The following SPOCK1 variants were observed in gnomAD, a reference collection of about 807,000 sequenced individuals.
The protein encoded by SPOCK1 is testican-1.
Under a neutral mutation model 55.3 loss-of-function variants are expected in SPOCK1, and 23 were observed. The observed-to-expected ratio is 0.42, with a 90% CI of 0.30 to 0.59. The LOEUF is 0.59. Ranked by LOEUF, SPOCK1 falls within the 20% of genes least tolerant of loss-of-function variation. SPOCK1 has a pLI of 0.22. For synonymous variants in SPOCK1, 226 were observed against 221.0 expected, an observed-to-expected ratio of 1.02 and a Z score of -0.20; for missense variants, 499 against 552.5, an observed-to-expected ratio of 0.90 and a Z score of 0.97.
chr5:137,440,523 C>T (rs1311304251), intron 2 of SPOCK1, among the ~76,000 whole-genome samples: 9 of 152,190 alleles, frequency 5.9e-5, no homozygotes, highest in South Asian at 2.1e-4. Context: ...TAACCCCTGC[C>T]ACTTGCTGTT....
chr5:137,097,226 G>A (rs1753167564), intron 5 of SPOCK1, among the ~76,000 whole-genome samples: 1 of 152,142 alleles, frequency 6.6e-6, no homozygotes, highest in Non-Finnish European at 1.5e-5. Flanking sequence ...CTTGTGAATA[G>A]AGGGGCTGCT....
intron 2 of SPOCK1, among the ~76,000 whole-genome samples, chr5:137,351,983 G>C (rs1198578679): frequency 6.6e-6 from 1 of 152,176 alleles, no homozygotes; most frequent in Non-Finnish European, 1.5e-5. Context: ...AGGCCATTCT[G>C]TAAGCAAGGA....
intron 2 of SPOCK1, among the ~76,000 whole-genome samples, chr5:137,420,541 T>A (rs373476154): frequency 6.6e-6 from 1 of 152,286 alleles, no homozygotes; most frequent in East Asian, 1.9e-4. Context: ...TGTATGTGTC[T>A]AGGAATTTAT....
intron 3 of SPOCK1, among the ~76,000 whole-genome samples, chr5:137,162,885 C>T (rs1373447340): frequency 6.6e-6 from 1 of 152,192 alleles, no homozygotes; most frequent in Non-Finnish European, 1.5e-5. Context: ...TGAGAGCCTA[C>T]TTATTCCACA....
intron 2 of SPOCK1, among the ~76,000 whole-genome samples, chr5:137,327,653 A>G (rs1758102878): frequency 6.6e-6 from 1 of 152,200 alleles, no homozygotes; most frequent in Non-Finnish European, 1.5e-5. Flanking sequence ...CTTAATTTTT[A>G]CACACAAGCT....
chr5:137,100,972 C>T (rs139002314), intron 5 of SPOCK1, among the ~76,000 whole-genome samples: 2 of 152,094 alleles, frequency 1.3e-5, no homozygotes, highest in East Asian at 3.9e-4. Flanking sequence ...CATGGTAAGT[C>T]CCAACCCAGT....
chr5:137,435,321 CTAA>C (rs917991888), intron 2 of SPOCK1, among the ~76,000 whole-genome samples: 1 of 152,198 alleles, frequency 6.6e-6, no homozygotes, highest in African/African-American at 2.4e-5. Context: ...CGTTAAAGTT[CTAA>C]TAAGACCTGC....
intron 6 of SPOCK1, among the ~76,000 whole-genome samples, chr5:137,024,490 G>T (rs57700152): frequency 3.9e-5 from 6 of 151,900 alleles, no homozygotes; most frequent in Non-Finnish European, 7.4e-5. Context: ...GAACATGGGA[G>T]AAAATGACCT....
At chr5:137,242,800 C>G (rs1756312020) in intron 3 of SPOCK1, among the ~76,000 whole-genome samples, 2 of 152,046 alleles carry the variant, frequency 1.3e-5, no homozygotes, top group Non-Finnish European at 2.9e-5. Context: ...TATCTCTATG[C>G]ACAAACACAA....
intron 2 of SPOCK1, among the ~76,000 whole-genome samples, chr5:137,370,439 G>T (rs542713484): frequency 6.6e-6 from 1 of 152,168 alleles, no homozygotes; most frequent in South Asian, 2.1e-4. Context: ...AAGAGGTGAG[G>T]AATAAACCTT....
At chr5:137,347,058 C>T (rs1313587706) in intron 2 of SPOCK1, among the ~76,000 whole-genome samples, 2 of 152,148 alleles carry the variant, frequency 1.3e-5, no homozygotes, top group African/African-American at 2.4e-5. Flanking sequence ...TCCCCTGCAG[C>T]GTCATTACCT....
At chr5:137,151,085 T>C (rs1310964155) in intron 3 of SPOCK1, among the ~76,000 whole-genome samples, 1 of 152,244 alleles carries the variant, frequency 6.6e-6, no homozygotes, top group Admixed American at 6.5e-5. Flanking sequence ...CAAATCTATA[T>C]TGAATCTCCC....
chr5:137,464,074 A>G (rs773648890), intron 2 of SPOCK1, among the ~76,000 whole-genome samples: 1 of 152,210 alleles, frequency 6.6e-6, no homozygotes, highest in Non-Finnish European at 1.5e-5. Flanking sequence ...CAAGGAGGGC[A>G]GATCACTTGA....
intron 3 of SPOCK1, among the ~76,000 whole-genome samples, chr5:137,154,053 C>T (rs1754368113): frequency 6.6e-6 from 1 of 151,888 alleles, no homozygotes; most frequent in Non-Finnish European, 1.5e-5. Flanking sequence ...TTTGGGAGGC[C>T]GAGGTGGGCA....
intron 2 of SPOCK1, among the ~76,000 whole-genome samples, chr5:137,356,411 G>A (rs1220190953): frequency 6.6e-6 from 1 of 152,110 alleles, no homozygotes; most frequent in Non-Finnish European, 1.5e-5. Flanking sequence ...CATTTGCCCA[G>A]CATCACCTTA....
intron 3 of SPOCK1, among the ~76,000 whole-genome samples, chr5:137,153,430 T>C (rs79987703): frequency 0.044 from 6,640 of 152,300 alleles, 483 homozygotes; most frequent in African/African-American, 0.15. Flanking sequence ...TCAACAAACA[T>C]TTATGAAACT....
intron 2 of SPOCK1, among the ~76,000 whole-genome samples, chr5:137,385,036 G>C (rs920163653): frequency 4.6e-5 from 7 of 152,144 alleles, no homozygotes; most frequent in Non-Finnish European, 1.0e-4. Context: ...AAGAGATAAT[G>C]TCTGCAGCAT....
intron 7 of SPOCK1, among the ~76,000 whole-genome samples, chr5:136,989,666 G>A (rs529572899): frequency 9.2e-5 from 14 of 152,080 alleles, no homozygotes; most frequent in Middle Eastern, 3.4e-3. Context: ...TTCAGACCCC[G>A]GCAAGCTTAA....
At chr5:137,232,175 C>A (rs1756076159) in intron 3 of SPOCK1, among the ~76,000 whole-genome samples, 1 of 152,102 alleles carries the variant, frequency 6.6e-6, no homozygotes, top group South Asian at 2.1e-4. Context: ...GAGTTTTTCA[C>A]CCTTTTTTAA....
Sources: allele counts gnomAD v4.1 joint callset (sites outside exome capture counted in the v4.1 genomes callset), GRCh38; gene constraint gnomAD v4.1.1; transcripts MANE v1.5; gene names NCBI Gene and HGNC (gene_info 2026-07-23, HGNC 2026-07-21).